ATXN1: variants seen among roughly 807,000 people sequenced by gnomAD.
ATXN1 encodes the protein ataxin 1.
Under a neutral mutation model 56.4 loss-of-function variants are expected in ATXN1, and 8 were observed. That is an observed-to-expected ratio of 0.14 (90% CI 0.08 to 0.26). ATXN1 has a LOEUF of 0.26. Among genes scored for constraint, ATXN1 ranks in the 10% least tolerant of loss-of-function variants. The probability of loss-of-function intolerance (pLI) is 1.00; values close to 1 mark genes in which losing one functional copy is unlikely to be tolerated. For synonymous variants in ATXN1, 514 were observed against 494.6 expected, an observed-to-expected ratio of 1.04 and a Z score of -0.52; for missense variants, 987 against 1,106.5, an observed-to-expected ratio of 0.89 and a Z score of 1.53.
intron 6 of ATXN1, among the ~76,000 whole-genome samples, chr6:16,469,809 C>G (rs79604916): frequency 6.2e-4 from 94 of 151,972 alleles, no homozygotes; most frequent in African/African-American, 2.0e-3. Context: ...ACTAAAAATA[C>G]AAAATTAGCC....
intron 6 of ATXN1, among the ~76,000 whole-genome samples, chr6:16,392,173 C>T (rs908826654): frequency 1.3e-5 from 2 of 152,246 alleles, no homozygotes; most frequent in African/African-American, 4.8e-5. Flanking sequence ...CGTAACCTTG[C>T]TGCCTTCTTT....
intron 6 of ATXN1, among the ~76,000 whole-genome samples, chr6:16,362,023 G>A (rs77466572): frequency 0.015 from 2,272 of 152,304 alleles, 30 homozygotes; most frequent in Admixed American, 0.023. Context: ...TGGGTCTGAC[G>A]TGTGGATGGC....
intron 2 of ATXN1, among the ~76,000 whole-genome samples, chr6:16,682,448 C>G (rs965333726): frequency 6.6e-6 from 1 of 152,036 alleles, no homozygotes; most frequent in Non-Finnish European, 1.5e-5. Context: ...CTGTCCGCCT[C>G]GGCCTCCCAA....
chr6:16,734,593 G>A (rs1164267890), intron 2 of ATXN1, among the ~76,000 whole-genome samples: 5 of 152,010 alleles, frequency 3.3e-5, no homozygotes, highest in African/African-American at 4.8e-5. Flanking sequence ...CTGCAGCCTC[G>A]ACCTCCCAGG....
chr6:16,492,701 C>T (rs1265353515), intron 5 of ATXN1, among the ~76,000 whole-genome samples: 2 of 151,970 alleles, frequency 1.3e-5, no homozygotes, highest in African/African-American at 4.8e-5. Context: ...TTTGCTCTCT[C>T]TGTTCTTTCT....
intron 7 of ATXN1, among the ~76,000 whole-genome samples, chr6:16,307,923 G>T (rs1451471150): frequency 6.6e-6 from 1 of 152,176 alleles, no homozygotes; most frequent in East Asian, 1.9e-4. Context: ...GGAGGCCAAG[G>T]CGCGTGGATC....
chr6:16,440,648 A>AAAAAAAAGAAAGAAAG (rs748929817), intron 6 of ATXN1, among the ~76,000 whole-genome samples: 9 of 118,548 alleles, frequency 7.6e-5, no homozygotes, highest in African/African-American at 3.2e-4. Flanking sequence ...CTTAAAAAAA[A>AAAAAAAAGAAAGAAAG]AAAAGAAAAG....
rs777645723 is a variant in ATXN1, at chr6:16,625,405, G to A, written c.-489+32371C>T. Among the ~76,000 whole-genome samples, 2 of 152,156 alleles carry A rather than the reference G, an allele frequency of 1.3e-5. 1 individual carries two copies. The highest frequency in any genetic ancestry group is 3.8e-4 in the East Asian group (2 of 5,200). ...CAAGGAAGACAGGCCATCCTGGAGG[G>A]GGCTAGGGATTTAGGGATGGCATTC... On this transcript the variant is annotated intron_variant, in intron 3 of 7. Coordinates refer to ENST00000436367, the MANE Select transcript of ATXN1 (RefSeq NM_001128164.2).
At chr6:16,654,395 T>C (rs1215897587) in intron 3 of ATXN1, among the ~76,000 whole-genome samples, 1 of 151,818 alleles carries the variant, frequency 6.6e-6, no homozygotes, top group Admixed American at 6.6e-5. Context: ...AATAGAAAAA[T>C]TAGCTGGGCA....
intron 3 of ATXN1, among the ~76,000 whole-genome samples, chr6:16,598,492 T>C (rs866588988): frequency 3.3e-5 from 5 of 152,352 alleles, no homozygotes; most frequent in African/African-American, 9.6e-5. Flanking sequence ...GAGGAAATTA[T>C]TTACTGGCTT....
intron 2 of ATXN1, among the ~76,000 whole-genome samples, chr6:16,730,483 G>GTATA (rs1283942311): frequency 2.3e-4 from 17 of 74,534 alleles, no homozygotes; most frequent in Admixed American, 6.7e-4. Flanking sequence ...GGGTAAAACA[G>GTATA]TATGTATATA....
At chr6:16,476,810 C>T (rs773753100) in intron 6 of ATXN1, among the ~76,000 whole-genome samples, 1 of 152,216 alleles carries the variant, frequency 6.6e-6, no homozygotes, top group African/African-American at 2.4e-5. Context: ...CCCAGATCTT[C>T]ACTACCAGCC....
chr6:16,558,323 A>C (rs1762052288), intron 4 of ATXN1, among the ~76,000 whole-genome samples: 1 of 151,670 alleles, frequency 6.6e-6, no homozygotes. Context: ...AAAAAAGAAA[A>C]AAAAAAGGTA....
At chr6:16,706,157 C>G (rs1001049913) in intron 2 of ATXN1, among the ~76,000 whole-genome samples, 1 of 152,178 alleles carries the variant, frequency 6.6e-6, no homozygotes, top group African/African-American at 2.4e-5. Flanking sequence ...AAAGCTTGGA[C>G]TGAAGGACGT....
intron 2 of ATXN1, among the ~76,000 whole-genome samples, chr6:16,745,446 T>C (rs1760498600): frequency 6.6e-6 from 1 of 152,218 alleles, no homozygotes; most frequent in African/African-American, 2.4e-5. Context: ...TAAGAATGTT[T>C]ATGCTAAATG....
chr6:16,697,759 C>CAG (rs1315110306), intron 2 of ATXN1, among the ~76,000 whole-genome samples: 1 of 152,168 alleles, frequency 6.6e-6, no homozygotes. Context: ...ATTTTAAACT[C>CAG]TTCTAACAAA....
At chr6:16,475,174 C>A (rs1163535087) in intron 6 of ATXN1, among the ~76,000 whole-genome samples, 1 of 152,168 alleles carries the variant, frequency 6.6e-6, no homozygotes. Flanking sequence ...GGGCCCTCAG[C>A]ATATGCACAT....
chr6:16,381,482 C>T (rs1415391559), intron 6 of ATXN1, among the ~76,000 whole-genome samples: 4 of 152,178 alleles, frequency 2.6e-5, no homozygotes, highest in Non-Finnish European at 4.4e-5. Flanking sequence ...AGCTGTGAGA[C>T]ACTCAATGTC....
At chr6:16,566,026 G>GGGGGA (rs1392156687) in intron 4 of ATXN1, among the ~76,000 whole-genome samples, 1 of 152,160 alleles carries the variant, frequency 6.6e-6, no homozygotes. Context: ...CTGGATGGTA[G>GGGGGA]GGGGAGGGAA....
Sources: gnomAD v4.1 joint callset for allele counts (sites outside exome capture counted in the v4.1 genomes callset) on GRCh38, gnomAD v4.1.1 for gene constraint, MANE v1.5 for transcripts, NCBI Gene and HGNC (gene_info 2026-07-23, HGNC 2026-07-21) for gene names.